NKAIN3: variants seen among roughly 807,000 people sequenced by gnomAD.
NKAIN3 encodes sodium/potassium-transporting ATPase subunit beta-1-interacting protein 3.
In NKAIN3, 25 loss-of-function variants were observed where a neutral mutation model predicts 30.2. The ratio of observed to expected loss-of-function variants is 0.83; its 90% CI spans 0.60 to 1.16. The LOEUF is 1.16. Ranked by LOEUF, NKAIN3 falls within the 50% of genes most tolerant of loss-of-function variation. The pLI, the probability that NKAIN3 is intolerant of heterozygous loss-of-function variation, is 0.00. For synonymous variants in NKAIN3, 91 were observed against 89.6 expected (o/e 1.02, Z -0.09); for missense variants, 225 against 254.1 (o/e 0.89, Z 0.78).
At chr8:62,495,707 T>C (rs1281218682) in intron 1 of NKAIN3, among the ~76,000 whole-genome samples, 1 of 152,138 alleles carries the variant, frequency 6.6e-6, no homozygotes, top group Non-Finnish European at 1.5e-5. Context: ...TTTACTGACT[T>C]ATCTCAGTCT....
At chr8:62,898,460 G>GA (rs1172079347) in intron 4 of NKAIN3, among the ~76,000 whole-genome samples, 1 of 152,060 alleles carries the variant, frequency 6.6e-6, no homozygotes, top group Non-Finnish European at 1.5e-5. Flanking sequence ...ATTCAGGAGT[G>GA]AAAAACCAAA....
chr8:62,743,639 CA>C (rs1031402851), intron 3 of NKAIN3, among the ~76,000 whole-genome samples: 1 of 152,170 alleles, frequency 6.6e-6, no homozygotes, highest in Non-Finnish European at 1.5e-5. Flanking sequence ...CCTAGCTATG[CA>C]GGAGTGGGAG....
At chr8:62,643,190 A>G (rs984027498) in intron 3 of NKAIN3, among the ~76,000 whole-genome samples, 2 of 152,070 alleles carry the variant, frequency 1.3e-5, no homozygotes, top group African/African-American at 4.8e-5. Context: ...TATTTTTTTC[A>G]CCTCCAGTAT....
At chr8:62,813,499 C>CTTTTTTTT (rs34402019) in intron 4 of NKAIN3, among the ~76,000 whole-genome samples, 5 of 141,534 alleles carry the variant, frequency 3.5e-5, no homozygotes, top group Non-Finnish European at 4.7e-5. Context: ...TTGAGTCTTC[C>CTTTTTTTT]TTTTTTTTTT....
chr8:62,820,742 A>G (rs959644387), intron 4 of NKAIN3, among the ~76,000 whole-genome samples: 16 of 152,118 alleles, frequency 1.1e-4, no homozygotes, highest in African/African-American at 3.9e-4. Flanking sequence ...AATTTCAGAA[A>G]AACTTCTTGG....
rs1190329923 is a variant in NKAIN3 at position 62,971,641 on chromosome 8, A to AG, written c.*6235dup. On this transcript the variant is annotated 3_prime_UTR_variant, in exon 7 of 7. Coordinates refer to ENST00000623646, the MANE Select transcript of NKAIN3 (RefSeq NM_001304533.3). The stretch of plus-strand genomic sequence containing the variant: ...GAGCCAAACCTTGTCTCAAAAAAAA[A>AG]GCGGGGGGGGCTTCATTTATTAGTA... Among the ~76,000 whole-genome samples the AG allele has an allele frequency of 4.1e-4, 56 of 135,772 alleles. No homozygotes were observed. Among genetic ancestry groups the AG allele is most frequent in the African/African-American group, 1.7e-3 (54 of 31,112 alleles). 89.1% of individuals were successfully genotyped at this position (135,772 alleles called of 152,430 possible). A position where few individuals can be genotyped will look rare whatever the true frequency, so the allele number is the denominator to read the frequency against.
intron 1 of NKAIN3, among the ~76,000 whole-genome samples, chr8:62,549,277 T>C (rs1014400787): frequency 1.3e-5 from 2 of 152,188 alleles, no homozygotes; most frequent in African/African-American, 4.8e-5. Flanking sequence ...AAACGAAGTA[T>C]AGCAAAACGC....
chr8:62,810,412 G>A (rs4275223), intron 4 of NKAIN3, among the ~76,000 whole-genome samples: 248 of 152,212 alleles, frequency 1.6e-3, no homozygotes, highest in Non-Finnish European at 2.9e-3. Flanking sequence ...GAATGAGAAG[G>A]TCTGGGTTTC....
intron 1 of NKAIN3, among the ~76,000 whole-genome samples, chr8:62,265,828 G>T (rs1240147813): frequency 1.3e-5 from 2 of 152,180 alleles, no homozygotes; most frequent in Non-Finnish European, 2.9e-5. Flanking sequence ...TAACCTTTGT[G>T]TGTGGTGTCT....
intron 3 of NKAIN3, among the ~76,000 whole-genome samples, chr8:62,698,089 A>G (rs997116888): frequency 6.6e-6 from 1 of 152,228 alleles, no homozygotes; most frequent in Non-Finnish European, 1.5e-5. Context: ...GTGGATCTAA[A>G]AGTAACAGAT....
intron 1 of NKAIN3, among the ~76,000 whole-genome samples, chr8:62,294,707 T>C (rs1220028808): frequency 6.6e-6 from 1 of 152,062 alleles, no homozygotes; most frequent in African/African-American, 2.4e-5. Context: ...TGGTAAATTT[T>C]TGTATTTTAA....
At chr8:62,362,004 C>T (rs775035506) in intron 1 of NKAIN3, among the ~76,000 whole-genome samples, 22 of 152,188 alleles carry the variant, frequency 1.4e-4, no homozygotes, top group Non-Finnish European at 3.1e-4. Flanking sequence ...TTCTCTGCTA[C>T]CTCTCTGGCT....
At chr8:62,805,734 A>T (rs923145866) in intron 4 of NKAIN3, among the ~76,000 whole-genome samples, 4 of 152,228 alleles carry the variant, frequency 2.6e-5, no homozygotes, top group African/African-American at 9.7e-5. Flanking sequence ...TTCAGGACAT[A>T]GGCCTGGGCA....
chr8:62,467,832 C>T (rs13265641), intron 1 of NKAIN3, among the ~76,000 whole-genome samples: 27,730 of 152,098 alleles, frequency 0.18, 2,654 homozygotes, highest in African/African-American at 0.21. Context: ...GTGGCACGAG[C>T]TCGTCTCACT....
intron 4 of NKAIN3, among the ~76,000 whole-genome samples, chr8:62,818,721 T>G (rs1223831697): frequency 6.6e-6 from 1 of 152,094 alleles, no homozygotes; most frequent in Non-Finnish European, 1.5e-5. Flanking sequence ...AATAATCTGA[T>G]AATTATATGA....
chr8:62,955,093 G>C (rs537983478), intron 6 of NKAIN3, among the ~76,000 whole-genome samples: 1 of 152,288 alleles, frequency 6.6e-6, no homozygotes, highest in East Asian at 1.9e-4. Flanking sequence ...GCATATGTGA[G>C]GATTGAAGAT....
intron 4 of NKAIN3, among the ~76,000 whole-genome samples, chr8:62,882,363 G>A (rs1821011261): frequency 6.6e-6 from 1 of 152,096 alleles, no homozygotes; most frequent in Admixed American, 6.5e-5. Flanking sequence ...CTGTCGCCCA[G>A]GCTGGAGTAC....
At chr8:62,566,468 A>AATT (rs138429804) in intron 1 of NKAIN3, among the ~76,000 whole-genome samples, 5 of 151,740 alleles carry the variant, frequency 3.3e-5, no homozygotes, top group African/African-American at 4.8e-5. Context: ...AGAAAGAAAA[A>AATT]AATTAATTAA....
At chr8:62,808,611 T>C (rs1454052186) in intron 4 of NKAIN3, among the ~76,000 whole-genome samples, 1 of 152,080 alleles carries the variant, frequency 6.6e-6, no homozygotes, top group African/African-American at 2.4e-5. Flanking sequence ...GCAGGTTCCA[T>C]GATGCCCCCC....
Sources: allele counts gnomAD v4.1 joint callset (sites outside exome capture counted in the v4.1 genomes callset), GRCh38; gene constraint gnomAD v4.1.1; transcripts MANE v1.5; gene names NCBI Gene and HGNC (gene_info 2026-07-23, HGNC 2026-07-21).